Variants in STX3 observed in about 807,000 individuals in gnomAD.
STX3 encodes syntaxin-3.
A neutral mutation model predicts 40.2 loss-of-function variants in STX3; 19 were observed. The observed-to-expected ratio is 0.47, with a 90% confidence interval of 0.33 to 0.69. The LOEUF (loss-of-function observed/expected upper bound fraction) is 0.69. Among genes scored for constraint, STX3 ranks in the 30% least tolerant of loss-of-function variants. The pLI is 0.02. For synonymous variants in STX3, 122 were observed against 132.2 expected, an observed-to-expected ratio of 0.92 and a Z score of 0.53; for missense variants, 364 against 366.7, an observed-to-expected ratio of 0.99 and a Z score of 0.06.
At chr11:59,788,286 C>T (rs535686479) in intron 3 of STX3, among the ~76,000 whole-genome samples, 1 of 152,312 alleles carries the variant, frequency 6.6e-6, no homozygotes, top group African/African-American at 2.4e-5. Context: ...TCCTTTGTCT[C>T]CCACTAGACT....
intron 2 of STX3, among the ~76,000 whole-genome samples, chr11:59,776,664 C>T (rs79660863): frequency 1.1e-4 from 16 of 152,314 alleles, no homozygotes; most frequent in Non-Finnish European, 2.1e-4. Context: ...GAGCATGAAT[C>T]ACAGCTTAGT....
intron 1 of STX3, among the ~76,000 whole-genome samples, chr11:59,770,133 G>C (rs996129299): frequency 1.3e-5 from 2 of 149,850 alleles, no homozygotes; most frequent in Non-Finnish European, 3.0e-5. Flanking sequence ...GAGTGTGTAC[G>C]TGTGCAGCAT....
Position 59,803,628 on chromosome 11 carries a change from C to T in STX3, c.*2804C>T. On this transcript the variant is annotated 3_prime_UTR_variant, in exon 11 of 11. Coordinates refer to ENST00000337979, the MANE Select transcript of STX3 (RefSeq NM_004177.5). ...GTGACAAAAAGAACAAGAATTAGTTCTTGCATTAGGTGCATCTTGAACTTT... is the reference window on the plus strand; with the variant it reads ...GTGACAAAAAGAACAAGAATTAGTTTTTGCATTAGGTGCATCTTGAACTTT... Among the ~76,000 whole-genome samples, 1 of 152,146 alleles carries T rather than the reference C, an allele frequency of 6.6e-6. No homozygotes were observed. Among genetic ancestry groups the T allele is most frequent in the East Asian group, 1.9e-4 (1 of 5,194 alleles).
At chr11:59,788,999 C>T (rs774879972) in intron 4 of STX3, 52 bp downstream of exon 4, 2 of 1,514,166 alleles carry the variant, frequency 1.3e-6, no homozygotes, top group Admixed American at 1.9e-5. Flanking sequence ...TCTATCTCAG[C>T]TCCCCTAGGG....
At chr11:59,767,264 C>G (rs1384177302) in intron 1 of STX3, among the ~76,000 whole-genome samples, 1 of 152,072 alleles carries the variant, frequency 6.6e-6, no homozygotes, top group Non-Finnish European at 1.5e-5. Flanking sequence ...TCTCTCATCT[C>G]CTTGGGCGAG....
chr11:59,775,475 C>T (rs1863914130), intron 2 of STX3, among the ~76,000 whole-genome samples: 1 of 152,190 alleles, frequency 6.6e-6, no homozygotes, highest in Non-Finnish European at 1.5e-5. Flanking sequence ...ACTGTGTTCT[C>T]CTTTTTCTTC....
intron 2 of STX3, among the ~76,000 whole-genome samples, chr11:59,786,538 C>T (rs1462740196): frequency 6.6e-6 from 1 of 152,124 alleles, no homozygotes; most frequent in East Asian, 1.9e-4. Flanking sequence ...GCATGAACCA[C>T]CGCGCCTGGC....
chr11:59,780,426 G>T (rs576849507), intron 2 of STX3, among the ~76,000 whole-genome samples: 1 of 152,320 alleles, frequency 6.6e-6, no homozygotes, highest in Non-Finnish European at 1.5e-5. Flanking sequence ...CCAGTACTGT[G>T]AGAAATATAT....
At chr11:59,786,934 A>G (rs1168673304) in intron 2 of STX3, 103 bp from the exon 3 acceptor site, 1 of 956,908 alleles carries the variant, frequency 1.0e-6, no homozygotes, top group Non-Finnish European at 1.6e-6. Flanking sequence ...CCACAAACCC[A>G]GAAGATGGGC....
chr11:59,762,358 A>C (rs545662220), intron 1 of STX3, among the ~76,000 whole-genome samples: 131 of 152,322 alleles, frequency 8.6e-4, no homozygotes, highest in African/African-American at 3.1e-3. Context: ...GATCTTGGTC[A>C]GGTTGCTTGG....
Position 59,792,103 on chromosome 11 carries a change from A to G in STX3, c.358-4A>G, listed in dbSNP as rs367653196. On this transcript the variant is annotated splice_region_variant and splice_polypyrimidine_tract_variant and intron_variant, in intron 5 of 10. Transcript: ENST00000337979. ...GCCTGACTGCATTTTACATCATCCC[A>G]CAGCACTCTGTCCTTTCTCGGAAGT... The G allele has an allele frequency of 9.4e-5, 152 of 1,612,878 alleles. No individual in the cohort carries two copies. The African/African-American group carries it at 1.6e-3, about 17-fold the overall frequency.
chr11:59,792,153 A>T lies in STX3; in HGVS notation c.404A>T (p.Asn135Ile). The T allele has an allele frequency of 6.2e-7, 1 of 1,614,140 alleles. No individual in the cohort carries two copies. The highest frequency in any genetic ancestry group is 8.5e-7 in the Non-Finnish European group (1 of 1,180,032). ...RKFVEVMTKYNEAQVDFRERS... is the reference protein window; with the variant it reads ...RKFVEVMTKYIEAQVDFRERS... Reference sequence around the variant, plus strand: ...TTTGTGGAGGTGATGACCAAATACAATGAAGCTCAAGTGGACTTCCGAGAA... The same window carrying T: ...TTTGTGGAGGTGATGACCAAATACATTGAAGCTCAAGTGGACTTCCGAGAA... The change falls in exon 6 of 11, where the codon AAT becomes ATT. Residue 135 changes from asparagine (N) to isoleucine (I), a missense_variant. Asn to Ile is a moderately radical substitution (Grantham distance 149). Coordinates refer to ENST00000337979, the MANE Select transcript of STX3 (RefSeq NM_004177.5).
intron 2 of STX3, among the ~76,000 whole-genome samples, chr11:59,774,787 C>T (rs1410796630): frequency 1.3e-5 from 2 of 152,014 alleles, no homozygotes; most frequent in Non-Finnish European, 2.9e-5. Flanking sequence ...GCCGAGATTG[C>T]GCCACTGCAC....
chr11:59,768,964 A>AG (rs1473985102), intron 1 of STX3, among the ~76,000 whole-genome samples: 1 of 152,164 alleles, frequency 6.6e-6, no homozygotes, highest in Non-Finnish European at 1.5e-5. Context: ...CATAGTAGTG[A>AG]GGTCTGGGCT....
chr11:59,770,778 C>T (rs1416499861), intron 1 of STX3, among the ~76,000 whole-genome samples: 1 of 152,066 alleles, frequency 6.6e-6, no homozygotes, highest in Non-Finnish European at 1.5e-5. Context: ...GTACAGTGCT[C>T]AGTTTTAATT....
intron 1 of STX3, among the ~76,000 whole-genome samples, chr11:59,770,392 G>T (rs1029325695): frequency 3.3e-5 from 5 of 151,642 alleles, no homozygotes; most frequent in Non-Finnish European, 7.4e-5. Flanking sequence ...GTGTGTGTCT[G>T]TGAGGAGTGT....
At chr11:59,781,328 A>G (rs1183442405) in intron 2 of STX3, 3 of 1,586,532 alleles carry the variant, frequency 1.9e-6, no homozygotes, top group African/African-American at 1.3e-5. Context: ...CTACTTTTTC[A>G]TAGATCCGAG....
intron 5 of STX3, among the ~76,000 whole-genome samples, chr11:59,791,055 A>T (rs1305566075): frequency 1.3e-5 from 2 of 151,084 alleles, no homozygotes; most frequent in East Asian, 3.9e-4. Flanking sequence ...AAGAAGACAC[A>T]TGCATGGTGC....
chr11:59,802,962 G>C lies in STX3; in HGVS notation c.*2138G>C. ...AGTATCTGGCTTTAGGAGGAAATGG[G>C]GGAGATCTGTCACGATGTTATCTAG... On this transcript the variant is annotated 3_prime_UTR_variant, in exon 11 of 11. Transcript: ENST00000337979. 2.0e-6 allele frequency: 2 copies of C among 985,354 alleles called. No individual in the cohort carries two copies. The highest frequency in any genetic ancestry group is 2.4e-6 in the Non-Finnish European group (2 of 829,924). 61.0% of individuals were successfully genotyped at this position (985,354 alleles called of 1,614,324 possible).
Sources: gnomAD v4.1 joint callset for allele counts (sites outside exome capture counted in the v4.1 genomes callset) on GRCh38, gnomAD v4.1.1 for gene constraint, MANE v1.5 for transcripts, NCBI Gene and HGNC (gene_info 2026-07-23, HGNC 2026-07-21) for gene names.